Variants in PLXDC2 observed in about 807,000 individuals in gnomAD.
The protein encoded by PLXDC2 is plexin domain-containing protein 2.
A neutral mutation model predicts 68.9 loss-of-function variants in PLXDC2; 40 were observed. That is an observed-to-expected ratio of 0.58 (90% CI 0.45 to 0.76). PLXDC2 has a LOEUF of 0.76. PLXDC2 is among the 30% of genes least tolerant of loss of function. PLXDC2 has a pLI of 0.00. For synonymous variants in PLXDC2, 243 were observed against 234.2 expected, an observed-to-expected ratio of 1.04 and a Z score of -0.34; for missense variants, 644 against 661.9, an observed-to-expected ratio of 0.97 and a Z score of 0.30.
At chr10:20,249,373 A>C (rs1835640832) in intron 13 of PLXDC2, among the ~76,000 whole-genome samples, 1 of 152,224 alleles carries the variant, frequency 6.6e-6, no homozygotes, top group Admixed American at 6.5e-5. Flanking sequence ...TTAAAATAAC[A>C]CACACTTGTC....
chr10:20,072,826 A>T (rs1382888533), intron 4 of PLXDC2, among the ~76,000 whole-genome samples: 1 of 152,210 alleles, frequency 6.6e-6, no homozygotes, highest in Non-Finnish European at 1.5e-5. Context: ...AAAAGGATCC[A>T]CTAGGATGCA....
intron 6 of PLXDC2, among the ~76,000 whole-genome samples, chr10:20,152,392 A>G (rs1312886150): frequency 6.6e-6 from 1 of 151,970 alleles, no homozygotes; most frequent in African/African-American, 2.4e-5. Context: ...TAATTAAGTT[A>G]TTTTTCCTGA....
At chr10:20,277,829 C>T (rs1161546580) in intron 13 of PLXDC2, among the ~76,000 whole-genome samples, 1 of 152,190 alleles carries the variant, frequency 6.6e-6, no homozygotes, top group Non-Finnish European at 1.5e-5. Flanking sequence ...TCCCCACCTC[C>T]TCCCAACCCT....
chr10:20,222,289 T>G (rs903332689), intron 12 of PLXDC2, among the ~76,000 whole-genome samples: 1 of 152,202 alleles, frequency 6.6e-6, no homozygotes, highest in African/African-American at 2.4e-5. Context: ...CTGACATGAT[T>G]ATACATTCAG....
At chr10:20,210,269 A>G (rs955071654) in intron 9 of PLXDC2, among the ~76,000 whole-genome samples, 3 of 152,286 alleles carry the variant, frequency 2.0e-5, no homozygotes, top group Admixed American at 6.5e-5. Flanking sequence ...TACAACAATT[A>G]TAAGAATATA....
At chr10:19,832,282 G>A (rs1836708892) in intron 1 of PLXDC2, among the ~76,000 whole-genome samples, 1 of 152,066 alleles carries the variant, frequency 6.6e-6, no homozygotes, top group Non-Finnish European at 1.5e-5. Context: ...AGCCCACAAA[G>A]GTCTATCTTG....
chr10:19,984,627 G>A (rs1408886414), intron 1 of PLXDC2, among the ~76,000 whole-genome samples: 2 of 152,280 alleles, frequency 1.3e-5, no homozygotes, highest in East Asian at 3.9e-4. Flanking sequence ...AGTGATTTCT[G>A]CGCATGACTG....
At chr10:20,229,722 G>A (rs949709222) in intron 12 of PLXDC2, among the ~76,000 whole-genome samples, 1 of 152,098 alleles carries the variant, frequency 6.6e-6, no homozygotes, top group Non-Finnish European at 1.5e-5. Context: ...ATTCTTCAGA[G>A]CTCGAATTAT....
chr10:19,960,862 A>T (rs573789746), intron 1 of PLXDC2, among the ~76,000 whole-genome samples: 13 of 152,372 alleles, frequency 8.5e-5, no homozygotes, highest in Non-Finnish European at 1.6e-4. Flanking sequence ...CATACAAATC[A>T]TCAGTGTACA....
chr10:19,889,654 TA>T, intron 1 of PLXDC2, among the ~76,000 whole-genome samples: 1 of 152,194 alleles, frequency 6.6e-6, no homozygotes, highest in Non-Finnish European at 1.5e-5. Context: ...TACAAATATG[TA>T]AAAATAGTAC....
intron 6 of PLXDC2, among the ~76,000 whole-genome samples, chr10:20,154,330 C>T (rs192287919): frequency 6.6e-6 from 1 of 152,192 alleles, no homozygotes; most frequent in Non-Finnish European, 1.5e-5. Context: ...TTTGGGAGGC[C>T]AAGGTGGGCT....
At chr10:20,024,568 CTTG>C (rs1052900314) in intron 2 of PLXDC2, among the ~76,000 whole-genome samples, 1 of 151,972 alleles carries the variant, frequency 6.6e-6, no homozygotes, top group Non-Finnish European at 1.5e-5. Flanking sequence ...AACTTTTGTT[CTTG>C]TTTTTGTTTT....
chr10:20,218,177 C>T (rs548177924), intron 11 of PLXDC2, among the ~76,000 whole-genome samples: 4 of 152,120 alleles, frequency 2.6e-5, no homozygotes, highest in African/African-American at 9.6e-5. Context: ...AAGTGTATTA[C>T]CCAACATACG....
intron 1 of PLXDC2, among the ~76,000 whole-genome samples, chr10:19,846,189 C>A (rs370653192): frequency 6.6e-6 from 1 of 152,100 alleles, no homozygotes; most frequent in Non-Finnish European, 1.5e-5. Flanking sequence ...TAAATATAAA[C>A]CTGATGCCTG....
intron 1 of PLXDC2, among the ~76,000 whole-genome samples, chr10:19,943,698 G>A (rs1361211081): frequency 6.6e-6 from 1 of 152,080 alleles, no homozygotes; most frequent in Admixed American, 6.6e-5. Context: ...CTTCAAGTAG[G>A]AACAGTCTCT....
intron 3 of PLXDC2, among the ~76,000 whole-genome samples, chr10:20,061,789 T>C (rs1437302641): frequency 6.6e-6 from 1 of 152,218 alleles, no homozygotes; most frequent in Non-Finnish European, 1.5e-5. Context: ...GAAGACATCG[T>C]AACATTGCCT....
intron 2 of PLXDC2, among the ~76,000 whole-genome samples, chr10:20,017,140 C>T (rs1262042359): frequency 2.6e-5 from 4 of 152,168 alleles, no homozygotes; most frequent in South Asian, 2.1e-4. Context: ...TACTGATTCC[C>T]GTTGGTGTCA....
intron 4 of PLXDC2, among the ~76,000 whole-genome samples, chr10:20,127,305 T>A (rs11011814): frequency 0.016 from 2,372 of 152,270 alleles, 20 homozygotes; most frequent in Non-Finnish European, 0.024. Context: ...TCTGGTAAAA[T>A]TCAGAGATGA....
At chr10:19,822,638 A>C (rs1836491230) in intron 1 of PLXDC2, among the ~76,000 whole-genome samples, 1 of 152,080 alleles carries the variant, frequency 6.6e-6, no homozygotes, top group African/African-American at 2.4e-5. Flanking sequence ...CACACTTACT[A>C]TCTATTGTCT....
Sources: allele counts gnomAD v4.1 joint callset (sites outside exome capture counted in the v4.1 genomes callset), GRCh38; gene constraint gnomAD v4.1.1; transcripts MANE v1.5; gene names NCBI Gene and HGNC (gene_info 2026-07-23, HGNC 2026-07-21).